Variants in WWOX observed in about 807,000 individuals in gnomAD.
WWOX encodes the protein WW domain containing oxidoreductase.
Under a neutral mutation model 46.2 loss-of-function variants are expected in WWOX, and 69 were observed. That is an observed-to-expected ratio of 1.49 (90% CI 1.23 to 1.82). The LOEUF (loss-of-function observed/expected upper bound fraction) is 1.82. Ranked by LOEUF, WWOX falls within the 40% of genes most tolerant of loss-of-function variation. WWOX has a pLI of 0.00. For missense variants in WWOX, 919 were observed against 542.6 expected, an observed-to-expected ratio of 1.69 and a Z score of -6.89; for synonymous variants, 359 against 202.6, an observed-to-expected ratio of 1.77 and a Z score of -6.56.
intron 4 of WWOX, among the ~76,000 whole-genome samples, chr16:78,130,648 C>G (rs1597243174): frequency 6.6e-6 from 1 of 152,202 alleles, no homozygotes; most frequent in Non-Finnish European, 1.5e-5. Context: ...GAGGCTTGAG[C>G]TTGGTTTAGA....
At chr16:78,684,086 C>G (rs769467338) in intron 8 of WWOX, among the ~76,000 whole-genome samples, 40 of 152,284 alleles carry the variant, frequency 2.6e-4, no homozygotes, top group South Asian at 1.7e-3. Context: ...CTTTTTAGCT[C>G]ATGGCCGTGC....
At chr16:78,922,987 T>TTTTTC (rs1228781075) in intron 8 of WWOX, among the ~76,000 whole-genome samples, 1 of 150,314 alleles carries the variant, frequency 6.7e-6, no homozygotes, top group Non-Finnish European at 1.5e-5. Context: ...CTCTTTTCTT[T>TTTTTC]TTTTTTTTTT....
At chr16:79,080,395 A>G (rs1187909555) in intron 8 of WWOX, among the ~76,000 whole-genome samples, 1 of 152,150 alleles carries the variant, frequency 6.6e-6, no homozygotes. Context: ...TATAGTCACA[A>G]CCATACCTAG....
chr16:78,954,936 C>A (rs552589222), intron 8 of WWOX, among the ~76,000 whole-genome samples: 1 of 152,176 alleles, frequency 6.6e-6, no homozygotes, highest in South Asian at 2.1e-4. Context: ...ACCACAGGCA[C>A]GGGACACCAT....
At chr16:78,719,950 A>T (rs1278938286) in intron 8 of WWOX, among the ~76,000 whole-genome samples, 1 of 152,200 alleles carries the variant, frequency 6.6e-6, no homozygotes. Flanking sequence ...AAAGTGTTCT[A>T]TTCTAAGCTA....
At chr16:79,067,543 C>T (rs1194906269) in intron 8 of WWOX, among the ~76,000 whole-genome samples, 3 of 150,950 alleles carry the variant, frequency 2.0e-5, no homozygotes, top group Non-Finnish European at 2.9e-5. Flanking sequence ...AGAGACCTTC[C>T]CTGACCACTG....
intron 5 of WWOX, among the ~76,000 whole-genome samples, chr16:78,301,568 GAA>G: frequency 6.6e-6 from 1 of 152,254 alleles, no homozygotes; most frequent in East Asian, 1.9e-4. Context: ...CTGTTAATTA[GAA>G]TTGTGGGCGT....
intron 5 of WWOX, among the ~76,000 whole-genome samples, chr16:78,352,470 G>T (rs569370694): frequency 6.6e-6 from 1 of 152,126 alleles, no homozygotes; most frequent in Non-Finnish European, 1.5e-5. Context: ...AAATCCTTTG[G>T]CTCATGGCCC....
At position 78,327,468 on chromosome 16, in the gene WWOX, C is replaced by T. The variant is rs574785120; in HGVS notation, c.517-59392C>T. Among the ~76,000 whole-genome samples, 11 of 152,204 alleles carry T rather than the reference C, an allele frequency of 7.2e-5. No individual in the cohort carries two copies. The South Asian group carries it at 2.3e-3, about 32-fold the overall frequency. On this transcript the variant is annotated intron_variant, in intron 5 of 8. Coordinates refer to ENST00000566780, the MANE Select transcript of WWOX (RefSeq NM_016373.4). ...AGAAAGCATGACCCACTGGGCAGGA[C>T]ACAGAAGGCTTCTGTGAGAATGAAG... is the stretch of plus-strand genomic sequence containing the variant.
intron 8 of WWOX, among the ~76,000 whole-genome samples, chr16:79,191,891 T>G (rs2051143887): frequency 6.6e-6 from 1 of 152,108 alleles, no homozygotes; most frequent in Non-Finnish European, 1.5e-5. Flanking sequence ...TAAACAAAAT[T>G]AGTGGAAAAA....
chr16:78,440,845 C>T (rs2083429005), intron 8 of WWOX, among the ~76,000 whole-genome samples: 1 of 152,096 alleles, frequency 6.6e-6, no homozygotes, highest in East Asian at 1.9e-4. Context: ...TCTCAAACTC[C>T]TGACCTCAGG....
chr16:78,111,127 G>T (rs956828632), intron 3 of WWOX, among the ~76,000 whole-genome samples: 3 of 152,200 alleles, frequency 2.0e-5, no homozygotes, highest in African/African-American at 7.2e-5. Context: ...CATGGATCCA[G>T]TGTGGTCTTC....
chr16:78,539,638 T>C lies in WWOX; in HGVS notation c.1056+106886T>C, dbSNP rs186877106. Among the ~76,000 whole-genome samples, 5 of 152,316 alleles carry C rather than the reference T, an allele frequency of 3.3e-5. No homozygotes were observed. In the East Asian group the frequency reaches 9.6e-4, roughly 29 times the overall value. Reference sequence around the variant, plus strand: ...CCACGTGTGGACAGATTGGCACATATGTGTGTGTGCAAATTGTACTTGCAG... The same window carrying C: ...CCACGTGTGGACAGATTGGCACATACGTGTGTGTGCAAATTGTACTTGCAG... On this transcript the variant is annotated intron_variant, in intron 8 of 8. Coordinates refer to ENST00000566780, the MANE Select transcript of WWOX (RefSeq NM_016373.4).
rs112796323 is a variant in WWOX, at chr16:78,498,073, C to T, written c.1056+65321C>T. 3.1e-3 allele frequency among the ~76,000 whole-genome samples: 473 copies of T among 151,610 alleles called. 3 individuals carry two copies. The highest frequency in any genetic ancestry group is 0.011 in the African/African-American group (449 of 41,412). ...AAAAGAAATTAGCTGTGCGTGGTGG[C>T]GGGCGCCTGTAGTCCCAGCTACTTG... On this transcript the variant is annotated intron_variant, in intron 8 of 8. Transcript: ENST00000566780.
At chr16:79,175,784 A>C (rs2050788129) in intron 8 of WWOX, among the ~76,000 whole-genome samples, 1 of 152,174 alleles carries the variant, frequency 6.6e-6, no homozygotes, top group South Asian at 2.1e-4. Context: ...TGGGAGCTCC[A>C]ACTCTGTTTG....
At chr16:79,184,010 G>A (rs2050964516) in intron 8 of WWOX, among the ~76,000 whole-genome samples, 1 of 152,156 alleles carries the variant, frequency 6.6e-6, no homozygotes, top group South Asian at 2.1e-4. Context: ...CTCTGTGACT[G>A]CATCTTTATA....
At position 78,909,155 on chromosome 16, in the gene WWOX, A is replaced by G. The variant is rs1385604875; in HGVS notation, c.1057-302453A>G. ...GAAGCAAGATAGAGTCAGTTACATC[A>G]GATCTCCATCACCTTCATAATTTTC... On this transcript the variant is annotated intron_variant, in intron 8 of 8. Transcript: ENST00000566780. 2.6e-5 allele frequency among the ~76,000 whole-genome samples: 4 copies of G among 152,230 alleles called. No individual in the cohort carries two copies. In the South Asian group the frequency reaches 8.3e-4, roughly 32 times the overall value.
intron 8 of WWOX, chr16:79,206,668 C>T (rs1025104358): frequency 1.3e-5 from 2 of 152,096 alleles, no homozygotes; most frequent in African/African-American, 4.8e-5. Context: ...CATCTCTGTT[C>T]TCGTCTGCTG....
chr16:79,132,818 C>A (rs1346223443), intron 8 of WWOX, among the ~76,000 whole-genome samples: 1 of 152,096 alleles, frequency 6.6e-6, no homozygotes, highest in African/African-American at 2.4e-5. Context: ...GAGAGTGTCC[C>A]AATTATTTAG....
Sources: gnomAD v4.1 joint callset for allele counts (sites outside exome capture counted in the v4.1 genomes callset) on GRCh38, gnomAD v4.1.1 for gene constraint, MANE v1.5 for transcripts, NCBI Gene and HGNC (gene_info 2026-07-23, HGNC 2026-07-21) for gene names.